LRRC37A2: variants seen among roughly 807,000 people sequenced by gnomAD.
The protein encoded by LRRC37A2 is leucine rich repeat containing 37 member A2, also known as leucine-rich repeat-containing protein 37A2.
A neutral mutation model predicts 68.8 loss-of-function variants in LRRC37A2; 9 were observed. The ratio of observed to expected loss-of-function variants is 0.13; its 90% CI spans 0.08 to 0.23. The LOEUF (loss-of-function observed/expected upper bound fraction) is 0.23. Among genes scored for constraint, LRRC37A2 ranks in the 10% least tolerant of loss-of-function variants. The pLI, the probability that LRRC37A2 is intolerant of heterozygous loss-of-function variation, is 1.00. For synonymous variants in LRRC37A2, 63 were observed against 367.6 expected (o/e 0.17, Z 9.48); for missense variants, 168 against 950.4 (o/e 0.18, Z 10.82).
At chr17:46,866,154 G>A in the LRRC37A2 span, among the ~76,000 whole-genome samples, 4 of 152,108 alleles carry the variant, frequency 2.6e-5, no homozygotes. Flanking sequence ...CTCACAGTAG[G>A]GGAAATCTGG....
At chr17:46,782,924 G>A in the LRRC37A2 span, among the ~76,000 whole-genome samples, 1 of 152,218 alleles carries the variant, frequency 6.6e-6, no homozygotes, top group Non-Finnish European at 1.5e-5. Context: ...CAAGGGTAGG[G>A]GGTTTCTTCT....
intron 4 of LRRC37A2, among the ~76,000 whole-genome samples, chr17:46,522,603 C>T (rs1176181077): frequency 1.4e-5 from 1 of 69,724 alleles, no homozygotes; most frequent in African/African-American, 6.3e-5. Flanking sequence ...TGCCACTAGG[C>T]CCGGCTAATT....
chr17:46,601,878 T>TA, the LRRC37A2 span, among the ~76,000 whole-genome samples: 2,532 of 140,646 alleles, frequency 0.018, 56 homozygotes, highest in African/African-American at 0.059. Flanking sequence ...CCCACTCCTT[T>TA]AAAAAAAAAA....
the LRRC37A2 span, among the ~76,000 whole-genome samples, chr17:46,388,392 T>A: frequency 0.021 from 986 of 46,362 alleles, 7 homozygotes; most frequent in Admixed American, 0.16. Context: ...CTACTAAAAA[T>A]ACAAAAAAAA....
chr17:47,027,991 T>C, the LRRC37A2 span, among the ~76,000 whole-genome samples: 6 of 152,210 alleles, frequency 3.9e-5, no homozygotes, highest in African/African-American at 4.8e-5. Context: ...CAAAGAGTTA[T>C]ATAGTCCAAA....
chr17:47,024,353 G>A, the LRRC37A2 span, among the ~76,000 whole-genome samples: 1,902 of 152,276 alleles, frequency 0.012, 24 homozygotes, highest in Non-Finnish European at 0.02. Context: ...AAGAGAGGAG[G>A]AAATGGAGGT....
chr17:46,915,000 T>G, the LRRC37A2 span, among the ~76,000 whole-genome samples: 45 of 152,338 alleles, frequency 3.0e-4, no homozygotes, highest in African/African-American at 1.0e-3. Context: ...TCATCCCAAC[T>G]ACATGAGAAA....
At chr17:46,772,400 G>A in the LRRC37A2 span, among the ~76,000 whole-genome samples, 3 of 152,220 alleles carry the variant, frequency 2.0e-5, no homozygotes, top group African/African-American at 4.8e-5. Context: ...GGCCGGAGAC[G>A]GGAAGAGCGA....
chr17:46,938,934 C>G, the LRRC37A2 span: 5 of 1,503,394 alleles, frequency 3.3e-6, no homozygotes. Flanking sequence ...TCTGTGACAT[C>G]TTGGAGGGGG....
the LRRC37A2 span, among the ~76,000 whole-genome samples, chr17:46,959,118 A>G: frequency 6.6e-6 from 1 of 152,164 alleles, no homozygotes; most frequent in African/African-American, 2.4e-5. Flanking sequence ...GGGAATCTAG[A>G]ATGTGGCTAG....
At chr17:46,730,213 T>C in the LRRC37A2 span, among the ~76,000 whole-genome samples, 3 of 152,198 alleles carry the variant, frequency 2.0e-5, no homozygotes, top group Admixed American at 2.0e-4. Flanking sequence ...ACATATATTA[T>C]GCACACAAAA....
the LRRC37A2 span, chr17:46,875,164 G>T: frequency 1.4e-5 from 23 of 1,614,002 alleles, no homozygotes; most frequent in Admixed American, 3.5e-4. Context: ...ACCCTGGCCC[G>T]GGCCTGCAGC....
the LRRC37A2 span, among the ~76,000 whole-genome samples, chr17:46,888,835 C>T: frequency 7.9e-5 from 12 of 152,172 alleles, no homozygotes; most frequent in African/African-American, 2.9e-4. Context: ...CAAAATGCTT[C>T]ACTTGGATTT....
chr17:46,752,813 G>T, the LRRC37A2 span, among the ~76,000 whole-genome samples: 1 of 152,026 alleles, frequency 6.6e-6, no homozygotes, highest in Admixed American at 6.5e-5. Context: ...CTGTTGCCCA[G>T]GCTTGAGTAG....
At chr17:46,773,648 CCTCAG>C in the LRRC37A2 span, 1 of 1,531,370 alleles carries the variant, frequency 6.5e-7, no homozygotes, top group East Asian at 2.5e-5. Context: ...CCTCCCCCCC[CCTCAG>C]CCCCAAGGCA....
chr17:46,534,708 G>C (rs1298959762), intron 6 of LRRC37A2, among the ~76,000 whole-genome samples: 1 of 149,976 alleles, frequency 6.7e-6, no homozygotes, highest in African/African-American at 2.5e-5. Context: ...ATGAGCTGTT[G>C]GGTACACCTC....
At chr17:46,834,123 C>T in the LRRC37A2 span, among the ~76,000 whole-genome samples, 2 of 152,032 alleles carry the variant, frequency 1.3e-5, no homozygotes, top group African/African-American at 4.8e-5. Flanking sequence ...TGAGCCCAGG[C>T]ATTTGAGGTT....
At chr17:46,890,142 C>T in the LRRC37A2 span, among the ~76,000 whole-genome samples, 1 of 152,230 alleles carries the variant, frequency 6.6e-6, no homozygotes, top group East Asian at 1.9e-4. Context: ...CCTCGCTCCT[C>T]TTCCCTCCCT....
At chr17:46,807,257 T>C in the LRRC37A2 span, among the ~76,000 whole-genome samples, 1 of 152,294 alleles carries the variant, frequency 6.6e-6, no homozygotes, top group Non-Finnish European at 1.5e-5. Context: ...CCGAGGCAGG[T>C]GGATCACTTG....
Sources: allele counts gnomAD v4.1 joint callset (sites outside exome capture counted in the v4.1 genomes callset), GRCh38; gene constraint gnomAD v4.1.1; transcripts MANE v1.5; gene names NCBI Gene and HGNC (gene_info 2026-07-23, HGNC 2026-07-21).